The following MSRB3 variants were observed in gnomAD, a reference collection of about 807,000 sequenced individuals.
MSRB3 encodes the protein methionine sulfoxide reductase B3, also known as methionine-R-sulfoxide reductase B3.
In MSRB3, 13 loss-of-function variants were observed where a neutral mutation model predicts 21.0. The observed-to-expected ratio is 0.62, with a 90% CI of 0.40 to 0.98. The LOEUF is 0.98. MSRB3 is among the 50% of genes least tolerant of loss of function. The pLI is 0.00. For missense variants in MSRB3, 199 were observed against 230.3 expected, an observed-to-expected ratio of 0.86 and a Z score of 0.88; for synonymous variants, 87 against 88.6, an observed-to-expected ratio of 0.98 and a Z score of 0.10.
chr12:65,352,074 G>A (rs2136497504), intron 4 of MSRB3, among the ~76,000 whole-genome samples: 1 of 151,970 alleles, frequency 6.6e-6, no homozygotes, highest in Admixed American at 6.6e-5. Context: ...ATAAAATACT[G>A]GCAAAACGAA....
intron 2 of MSRB3, among the ~76,000 whole-genome samples, chr12:65,320,327 G>A (rs890806634): frequency 6.6e-6 from 1 of 152,112 alleles, no homozygotes; most frequent in Non-Finnish European, 1.5e-5. Context: ...GAGAACAGAT[G>A]AAATAAAACT....
chr12:65,331,876 G>A (rs1434343785), intron 4 of MSRB3, among the ~76,000 whole-genome samples: 2 of 152,216 alleles, frequency 1.3e-5, no homozygotes, highest in Non-Finnish European at 2.9e-5. Flanking sequence ...CATTGCAAAA[G>A]CCTGGAAGCA....
intron 1 of MSRB3, among the ~76,000 whole-genome samples, chr12:65,291,130 G>T (rs1362203589): frequency 6.6e-6 from 1 of 151,480 alleles, no homozygotes; most frequent in East Asian, 1.9e-4. Flanking sequence ...TTGTCACCCA[G>T]GCTGGAGTGC....
chr12:65,302,767 G>A (rs561541650), intron 1 of MSRB3, among the ~76,000 whole-genome samples: 1 of 152,244 alleles, frequency 6.6e-6, no homozygotes, highest in South Asian at 2.1e-4. Context: ...AGCATAAACT[G>A]CTAGGCACTG....
In MSRB3 at chr12:65,377,327, C is replaced by T. The variant is rs529272999; in HGVS notation, c.292+8301C>T. On this transcript the variant is annotated intron_variant, in intron 5 of 6. Coordinates refer to ENST00000308259, the MANE Select transcript of MSRB3 (RefSeq NM_001031679.3). The stretch of plus-strand genomic sequence containing the variant: ...ACAGAGTCTTGCTCTGTTGCCCAGG[C>T]TGGAGTACAGTGGCACAATCTTGGC... Among the ~76,000 whole-genome samples, 12 of 152,292 alleles carry T rather than the reference C, an allele frequency of 7.9e-5. No individual in the cohort carries two copies. The East Asian group carries it at 1.5e-3, about 20-fold the overall frequency.
chr12:65,326,425 T>TAG (rs1875032145), intron 2 of MSRB3, among the ~76,000 whole-genome samples: 2 of 152,206 alleles, frequency 1.3e-5, no homozygotes, highest in African/African-American at 4.8e-5. Context: ...ATTGCAGACT[T>TAG]ACGGTTTAAC....
At chr12:65,345,363 G>A (rs1876419340) in intron 4 of MSRB3, among the ~76,000 whole-genome samples, 1 of 151,972 alleles carries the variant, frequency 6.6e-6, no homozygotes, top group African/African-American at 2.4e-5. Context: ...ATGGCTCATT[G>A]GGAAACACCG....
intron 5 of MSRB3, among the ~76,000 whole-genome samples, chr12:65,395,368 A>G (rs7974799): frequency 0.65 from 99,240 of 151,776 alleles, 32,574 homozygotes; most frequent in Admixed American, 0.72. Context: ...CAGGAGGCCG[A>G]GGCAGAAGAA....
At chr12:65,401,950 C>G (rs1410479955) in intron 5 of MSRB3, among the ~76,000 whole-genome samples, 2 of 152,202 alleles carry the variant, frequency 1.3e-5, no homozygotes, top group African/African-American at 2.4e-5. Context: ...CCACTCTCTT[C>G]TGGCTTGTAG....
chr12:65,320,559 C>T (rs1874598057), intron 2 of MSRB3, among the ~76,000 whole-genome samples: 1 of 152,056 alleles, frequency 6.6e-6, no homozygotes. Flanking sequence ...TGAGTATCCT[C>T]TCAGATATAA....
At chr12:65,359,693 C>T (rs1877593908) in intron 4 of MSRB3, among the ~76,000 whole-genome samples, 1 of 152,026 alleles carries the variant, frequency 6.6e-6, no homozygotes, top group African/African-American at 2.4e-5. Flanking sequence ...GCCCAATGGC[C>T]AAAATTCAGG....
At chr12:65,318,377 G>A (rs1874439457) in intron 2 of MSRB3, among the ~76,000 whole-genome samples, 1 of 152,122 alleles carries the variant, frequency 6.6e-6, no homozygotes, top group Admixed American at 6.6e-5. Flanking sequence ...TTTGTGGGTG[G>A]TTACCGCTCA....
intron 5 of MSRB3, among the ~76,000 whole-genome samples, chr12:65,436,994 G>A (rs749614624): frequency 3.1e-4 from 47 of 151,926 alleles, no homozygotes; most frequent in Non-Finnish European, 4.7e-4. Flanking sequence ...CAATATATAC[G>A]ACAATAAATG....
intron 4 of MSRB3, among the ~76,000 whole-genome samples, chr12:65,353,977 A>C (rs1228209756): frequency 2.6e-5 from 4 of 151,792 alleles, no homozygotes; most frequent in African/African-American, 9.7e-5. Flanking sequence ...TTTCTCCTTC[A>C]CTTATGAAGC....
At chr12:65,332,257 T>C (rs550905223) in intron 4 of MSRB3, among the ~76,000 whole-genome samples, 131 of 152,134 alleles carry the variant, frequency 8.6e-4, no homozygotes, top group African/African-American at 2.9e-3. Context: ...GGTAATTGGT[T>C]TTATGCTTTG....
At chr12:65,345,657 T>C (rs908580109) in intron 4 of MSRB3, among the ~76,000 whole-genome samples, 1 of 152,172 alleles carries the variant, frequency 6.6e-6, no homozygotes, top group African/African-American at 2.4e-5. Flanking sequence ...TGTATACATG[T>C]GCCATGTTGG....
At chr12:65,441,166 A>AT (rs1882360971) in intron 5 of MSRB3, among the ~76,000 whole-genome samples, 1 of 151,898 alleles carries the variant, frequency 6.6e-6, no homozygotes, top group Non-Finnish European at 1.5e-5. Context: ...ATTTTAATGC[A>AT]TTTTAAGCTT....
Position 65,463,412 on chromosome 12 carries a change from A to G in MSRB3, c.*90A>G. 6.7e-7 allele frequency: 1 copy of G among 1,482,256 alleles called. No homozygotes were observed. The highest frequency in any genetic ancestry group is 1.4e-5 in the African/African-American group (1 of 71,188). 91.8% of individuals were successfully genotyped at this position (1,482,256 alleles called of 1,614,324 possible). A position where few individuals can be genotyped will look rare whatever the true frequency, so the allele number is the denominator to read the frequency against. ...TTATCTTAATAGATATATTTTTTCA[A>G]AAACTATAAGGGCAGTTTTGTGCTA... On this transcript the variant is annotated 3_prime_UTR_variant, in exon 7 of 7. Transcript: ENST00000308259.
At chr12:65,352,034 C>G (rs926213418) in intron 4 of MSRB3, among the ~76,000 whole-genome samples, 20 of 151,994 alleles carry the variant, frequency 1.3e-4, no homozygotes, top group African/African-American at 4.6e-4. Flanking sequence ...AGACCAATAT[C>G]CTTGATGAAC....
Sources: allele counts gnomAD v4.1 joint callset (sites outside exome capture counted in the v4.1 genomes callset), GRCh38; gene constraint gnomAD v4.1.1; transcripts MANE v1.5; gene names NCBI Gene and HGNC (gene_info 2026-07-23, HGNC 2026-07-21).